The following CACNA1I variants were observed in gnomAD, a reference collection of about 807,000 sequenced individuals.
CACNA1I encodes the protein voltage-dependent T-type calcium channel subunit alpha-1I.
Under a neutral mutation model 201.6 loss-of-function variants are expected in CACNA1I, and 74 were observed. The observed-to-expected ratio is 0.37, with a 90% confidence interval of 0.30 to 0.45. The LOEUF is 0.45. Among genes scored for constraint, CACNA1I ranks in the 20% least tolerant of loss-of-function variants. The probability of loss-of-function intolerance (pLI) is 1.00; values close to 1 mark genes in which losing one functional copy is unlikely to be tolerated. For missense variants in CACNA1I, 2,346 were observed against 3,138.1 expected, an observed-to-expected ratio of 0.75 and a Z score of 6.03; for synonymous variants, 1,431 against 1,345.2, an observed-to-expected ratio of 1.06 and a Z score of -1.40.
chr22:39,584,976 A>G (rs996052760), intron 1 of CACNA1I, among the ~76,000 whole-genome samples: 1 of 152,224 alleles, frequency 6.6e-6, no homozygotes, highest in African/African-American at 2.4e-5. Context: ...CAAATAATAT[A>G]TGTTTCTTTA....
chr22:39,679,345 C>T lies in CACNA1I; in HGVS notation c.5294C>T (p.Pro1765Leu), dbSNP rs1479291805. Reference protein sequence around the residue: ...AHGLGPGPRLPTGSPGAPGRG... With the variant: ...AHGLGPGPRLLTGSPGAPGRG... ...GGCCTGGGCCCTGGCCCGAGGCTGC[C>T]TACCGGCTCCCCGGGCGCCCCTGGC... The change falls in exon 32 of 37, where the codon CCT becomes CTT. Residue 1765 changes from proline (P) to leucine (L), a missense_variant. Around this residue, in one of 13 missense-constraint regions of CACNA1I, gnomAD observed 441 missense variants for 555.6 expected, o/e 0.79. Coordinates refer to ENST00000402142, the MANE Select transcript of CACNA1I (RefSeq NM_021096.4). The T allele has an allele frequency of 4.5e-6, 7 of 1,542,822 alleles. No homozygotes were observed. Among genetic ancestry groups the T allele is most frequent in the Non-Finnish European group, 6.1e-6 (7 of 1,144,888 alleles).
intron 4 of CACNA1I, among the ~76,000 whole-genome samples, chr22:39,626,180 G>C (rs1933894727): frequency 6.6e-6 from 1 of 152,182 alleles, no homozygotes; most frequent in Admixed American, 6.5e-5. Context: ...CTGGCTGTGG[G>C]ACCCTGAGTA....
Position 39,662,254 on chromosome 22 carries a change from C to T in CACNA1I, c.3191C>T (p.Ser1064Leu), listed in dbSNP as rs1287199232. Reference protein sequence around the residue: ...RRTLSLDNRDSVDLAELVPAV... With the variant: ...RRTLSLDNRDLVDLAELVPAV... Reference sequence around the variant, plus strand: ...ACGCTGTCCCTCGACAACAGGGACTCGGTGGACCTGGCCGAGCTGGTGCCC... The same window carrying T: ...ACGCTGTCCCTCGACAACAGGGACTTGGTGGACCTGGCCGAGCTGGTGCCC... Residue 1064 changes from serine to leucine, a missense_variant, in exon 17 of 37, where the codon TCG (serine) becomes TTG (leucine). By Grantham distance (145) the Ser-to-Leu change is moderately radical (BLOSUM62 -2). Coordinates refer to ENST00000402142, the MANE Select transcript of CACNA1I (RefSeq NM_021096.4). 2 of 1,524,820 alleles carry T rather than the reference C, an allele frequency of 1.3e-6. No individual in the cohort carries two copies. Among genetic ancestry groups the T allele is most frequent in the African/African-American group, 1.4e-5 (1 of 70,128 alleles). 94.5% of individuals were successfully genotyped at this position (1,524,820 alleles called of 1,614,324 possible). A position where few individuals can be genotyped will look rare whatever the true frequency, so the allele number is the denominator to read the frequency against.
intron 3 of CACNA1I, among the ~76,000 whole-genome samples, chr22:39,606,034 A>G (rs919473598): frequency 1.3e-5 from 2 of 152,120 alleles, no homozygotes; most frequent in African/African-American, 4.8e-5. Context: ...GTCCTCCTCA[A>G]GTCTCCCCTT....
intron 4 of CACNA1I, among the ~76,000 whole-genome samples, chr22:39,628,763 C>A (rs742159): frequency 0.4 from 60,010 of 151,912 alleles, 12,814 homozygotes; most frequent in East Asian, 0.9. Context: ...GCCGCCCAGC[C>A]CCTTTACTGA....
intron 1 of CACNA1I, among the ~76,000 whole-genome samples, chr22:39,576,788 C>A (rs1932370522): frequency 1.3e-5 from 2 of 152,154 alleles, no homozygotes; most frequent in Non-Finnish European, 2.9e-5. Context: ...ACCCATTTCC[C>A]GGCCGCCCTC....
intron 4 of CACNA1I, among the ~76,000 whole-genome samples, chr22:39,627,902 G>A (rs1446913614): frequency 6.6e-6 from 1 of 150,528 alleles, no homozygotes; most frequent in Non-Finnish European, 1.5e-5. Flanking sequence ...AAATGAGGGG[G>A]GCCAGTTTCC....
At position 39,659,766 on chromosome 22, in the gene CACNA1I, C is replaced by T; in HGVS notation, c.2518C>T (p.Leu840Phe). The stretch of plus-strand genomic sequence containing the variant: ...GGCCTCCACTTCTCCCTGGGCCTCC[C>T]TCTACTTTGTCGCCCTCATGACCTT... ...GMASTSPWAS[L>F]YFVALMTFGN... The change falls in exon 14 of 37, where the codon CTC (leucine) becomes TTC (phenylalanine). Residue 840 changes from leucine (L) to phenylalanine (F), a missense_variant. Leu to Phe is a conservative substitution (Grantham distance 22, BLOSUM62 0). Transcript: ENST00000402142. This position sits in a 1 kb window ranked among gnomAD's most constrained non-coding sequence, Gnocchi z 4.3. 6.2e-7 allele frequency: 1 copy of T among 1,613,976 alleles called. No individual in the cohort carries two copies. Among genetic ancestry groups the T allele is most frequent in the South Asian group, 1.1e-5 (1 of 91,086 alleles).
intron 10 of CACNA1I, among the ~76,000 whole-genome samples, chr22:39,655,194 C>G (rs1569083133): frequency 6.6e-6 from 1 of 152,270 alleles, no homozygotes; most frequent in South Asian, 2.1e-4. Context: ...ACACCCGGCC[C>G]ATGGGAGGGG....
At chr22:39,647,586 A>AT (rs571865324) in intron 8 of CACNA1I, among the ~76,000 whole-genome samples, 9 of 151,438 alleles carry the variant, frequency 5.9e-5, no homozygotes, top group African/African-American at 1.2e-4. Flanking sequence ...TAATTTTTTA[A>AT]TTTTTTTTTG....
rs772141525 is a variant in CACNA1I at position 39,670,130 on chromosome 22, C to T, written c.4287C>T (p.Val1429=). The change falls in exon 25 of 37, where the codon GTC becomes GTT. Residue 1429 remains valine (V), a synonymous_variant. Coordinates refer to ENST00000402142, the MANE Select transcript of CACNA1I (RefSeq NM_021096.4). ...SFFVLNMFVG[V]VVENFHKCRQ... ...TTGTGCTCAACATGTTTGTGGGTGT[C>T]GTGGTGGAGAACTTCCACAAGTGCC... is the stretch of plus-strand genomic sequence containing the variant. 19 of 1,613,842 alleles carry T rather than the reference C, an allele frequency of 1.2e-5. No homozygotes were observed. The highest frequency in any genetic ancestry group is 3.3e-5 in the Admixed American group (2 of 60,008).
At position 39,609,939 on chromosome 22, in the gene CACNA1I, A is replaced by G. The variant is rs140862277; in HGVS notation, c.482+9286A>G. Among the ~76,000 whole-genome samples, 406 of 152,262 alleles carry G rather than the reference A, an allele frequency of 2.7e-3. 1 individual carries two copies. Among genetic ancestry groups the G allele is most frequent in the Middle Eastern group, 0.014 (4 of 294 alleles). ...GGGGCAGGGCTCTGTTGAGATCTCTAACGTCAATACCAACCTAGGCAAGCT... is the reference window on the plus strand; with the variant it reads ...GGGGCAGGGCTCTGTTGAGATCTCTGACGTCAATACCAACCTAGGCAAGCT... On this transcript the variant is annotated intron_variant, in intron 3 of 36. Coordinates refer to ENST00000402142, the MANE Select transcript of CACNA1I (RefSeq NM_021096.4).
chr22:39,656,512 T>A, intron 10 of CACNA1I: 2 of 511,268 alleles, frequency 3.9e-6, no homozygotes, highest in Non-Finnish European at 7.9e-6. Context: ...TTAACTTGGT[T>A]TACTGGGCTT....
chr22:39,634,741 C>T lies in CACNA1I; in HGVS notation c.740+17C>T, dbSNP rs1601481738. ...CTTCACCATGTGAGTTCATCCCCTGCCACCCATGCAGCTCCGGGGACTCTT... is the reference window on the plus strand; with the variant it reads ...CTTCACCATGTGAGTTCATCCCCTGTCACCCATGCAGCTCCGGGGACTCTT... On this transcript the variant is annotated intron_variant, in intron 5 of 36. Transcript: ENST00000402142. 6.2e-7 allele frequency: 1 copy of T among 1,608,974 alleles called. No homozygotes were observed. The highest frequency in any genetic ancestry group is 2.2e-5 in the East Asian group (1 of 44,796).
At chr22:39,618,947 G>A (rs77350194) in intron 3 of CACNA1I, among the ~76,000 whole-genome samples, 6,316 of 152,254 alleles carry the variant, frequency 0.041, 177 homozygotes, top group Non-Finnish European at 0.067. Context: ...TGCAGGAGAT[G>A]TTCCTCCCAC....
intron 1 of CACNA1I, among the ~76,000 whole-genome samples, chr22:39,580,137 A>G (rs546280804): frequency 1.3e-4 from 20 of 152,160 alleles, no homozygotes; most frequent in African/African-American, 1.9e-4. Flanking sequence ...CATCAAAGCC[A>G]TATCTCTGGG....
At chr22:39,628,912 C>T (rs1345215926) in intron 4 of CACNA1I, among the ~76,000 whole-genome samples, 1 of 152,184 alleles carries the variant, frequency 6.6e-6, no homozygotes, top group Non-Finnish European at 1.5e-5. Flanking sequence ...CTTGAGCTGG[C>T]CTGGCTGGAC....
In CACNA1I at chr22:39,672,094, A is replaced by C. The variant is rs150301147; in HGVS notation, c.4540-105A>C. 2.4e-4 allele frequency: 165 copies of C among 697,194 alleles called. No individual in the cohort carries two copies. The African/African-American group carries it at 2.7e-3, about 11-fold the overall frequency. 43.2% of individuals were successfully genotyped at this position (697,194 alleles called of 1,614,324 possible). A position where few individuals can be genotyped will look rare whatever the true frequency, so the allele number is the denominator to read the frequency against. On this transcript the variant is annotated intron_variant, in intron 26 of 36. Coordinates refer to ENST00000402142, the MANE Select transcript of CACNA1I (RefSeq NM_021096.4). ...GCATATAAATAATTACACTAAAAGT[A>C]AATGGACTAAATTCTCTCCTTAAAA... is the stretch of plus-strand genomic sequence containing the variant.
chr22:39,578,936 T>C (rs1932456666), intron 1 of CACNA1I, among the ~76,000 whole-genome samples: 1 of 152,144 alleles, frequency 6.6e-6, no homozygotes, highest in Admixed American at 6.5e-5. Flanking sequence ...CCCATCGCCG[T>C]GGTTCTCAAC....
Sources: allele counts gnomAD v4.1 joint callset (sites outside exome capture counted in the v4.1 genomes callset), GRCh38; gene constraint gnomAD v4.1.1; regional missense constraint gnomAD v4.1.1; non-coding constraint Gnocchi (gnomAD v3.1); transcripts MANE v1.5; gene names NCBI Gene and HGNC (gene_info 2026-07-23, HGNC 2026-07-21).